Variants in ANKRD12 observed in about 807,000 individuals in gnomAD.
ANKRD12 encodes the protein ankyrin repeat domain 12, also known as ankyrin repeat domain-containing protein 12.
Under a neutral mutation model 183.4 loss-of-function variants are expected in ANKRD12, and 85 were observed. The ratio of observed to expected loss-of-function variants is 0.46; its 90% CI spans 0.39 to 0.56. ANKRD12 has a LOEUF of 0.56. Among genes scored for constraint, ANKRD12 ranks in the 20% least tolerant of loss-of-function variants. The pLI is 0.00. For missense variants in ANKRD12, 2,405 were observed against 2,357.1 expected, an observed-to-expected ratio of 1.02 and a Z score of -0.42; for synonymous variants, 914 against 800.2, an observed-to-expected ratio of 1.14 and a Z score of -2.40.
At chr18:9,211,503 G>A (rs950509684) in intron 5 of ANKRD12, 81 bp from the exon 6 acceptor site, 2 of 1,270,884 alleles carry the variant, frequency 1.6e-6, no homozygotes, top group African/African-American at 3.0e-5. Flanking sequence ...CAGGAGATTA[G>A]CATATTACCA....
Position 9,257,048 on chromosome 18 carries a change from A to G in ANKRD12, c.3781A>G (p.Arg1261Gly). 2.5e-6 allele frequency: 4 copies of G among 1,614,142 alleles called. No individual in the cohort carries two copies. The highest frequency in any genetic ancestry group is 3.4e-6 in the Non-Finnish European group (4 of 1,179,994). Residue 1261 changes from arginine to glycine, a missense_variant, in exon 9 of 13, where the codon AGG (arginine) becomes GGG (glycine). Arg to Gly is a moderately radical substitution (Grantham distance 125). This residue lies in a region of ANKRD12 where 1,983 missense variants were observed against 1,725.9 expected (regional missense o/e 1.15). Coordinates refer to ENST00000262126, the MANE Select transcript of ANKRD12 (RefSeq NM_015208.5). ...SIAKSPALHE[R>G]ELDSLADLPE... ...TGCCAAATCTCCTGCTCTTCATGAAAGGGAATTGGACAGCCTGGCTGACTT... is the reference window on the plus strand; with the variant it reads ...TGCCAAATCTCCTGCTCTTCATGAAGGGGAATTGGACAGCCTGGCTGACTT...
intron 8 of ANKRD12, among the ~76,000 whole-genome samples, chr18:9,235,137 T>A (rs1030677668): frequency 6.6e-6 from 1 of 152,212 alleles, no homozygotes; most frequent in Admixed American, 6.5e-5. Flanking sequence ...TCTTGTTTAA[T>A]TCTTTATGAT....
intron 8 of ANKRD12, among the ~76,000 whole-genome samples, chr18:9,230,655 C>CT (rs113527070): frequency 2.9e-4 from 42 of 145,758 alleles, no homozygotes; most frequent in African/African-American, 5.6e-4. Flanking sequence ...CTACTTTCTT[C>CT]TTTTTTTTTT....
At chr18:9,239,437 A>G in intron 8 of ANKRD12, 1 of 968,132 alleles carries the variant, frequency 1.0e-6, no homozygotes, top group Non-Finnish European at 1.4e-6. Context: ...ACTGATCTTG[A>G]TTGTTTCATG....
chr18:9,256,031 C>G lies in ANKRD12; in HGVS notation c.2764C>G (p.Leu922Val), dbSNP rs749333227. 3 of 1,558,814 alleles carry G rather than the reference C, an allele frequency of 1.9e-6. No individual in the cohort carries two copies. Among genetic ancestry groups the G allele is most frequent in the Non-Finnish European group, 2.6e-6 (3 of 1,159,676 alleles). The change falls in exon 9 of 13, where the codon CTA becomes GTA. Residue 922 changes from leucine to valine, a missense_variant. Around this residue, in one of 7 missense-constraint regions of ANKRD12, gnomAD observed 1,983 missense variants for 1,725.9 expected, o/e 1.15. Coordinates refer to ENST00000262126, the MANE Select transcript of ANKRD12 (RefSeq NM_015208.5). ...DKEKPEKERH[L>V]AESKEKHLME... ...AGAAAAGCCTGAAAAAGAGAGGCATCTAGCAGAAAGCAAAGAAAAGCACTT... is the reference window on the plus strand; with the variant it reads ...AGAAAAGCCTGAAAAAGAGAGGCATGTAGCAGAAAGCAAAGAAAAGCACTT...
At chr18:9,265,775 G>A (rs1005464782) in intron 10 of ANKRD12, among the ~76,000 whole-genome samples, 18 of 152,172 alleles carry the variant, frequency 1.2e-4, no homozygotes, top group African/African-American at 4.3e-4. Flanking sequence ...GACGGATAAT[G>A]ACTTTTACGA....
At chr18:9,158,546 A>G (rs563169797) in intron 1 of ANKRD12, among the ~76,000 whole-genome samples, 1 of 152,314 alleles carries the variant, frequency 6.6e-6, no homozygotes, top group East Asian at 1.9e-4. Context: ...GCTTTGAGGA[A>G]GAGGATCACA....
intron 8 of ANKRD12, among the ~76,000 whole-genome samples, chr18:9,226,755 TA>T (rs1267706969): frequency 6.6e-6 from 1 of 152,130 alleles, no homozygotes; most frequent in East Asian, 1.9e-4. Flanking sequence ...ATGTGATACC[TA>T]AAAGGGATAT....
At position 9,256,400 on chromosome 18, in the gene ANKRD12, C is replaced by T; in HGVS notation, c.3133C>T (p.Leu1045=). The T allele has an allele frequency of 6.2e-7, 1 of 1,609,908 alleles. No individual in the cohort carries two copies. The highest frequency in any genetic ancestry group is 8.5e-7 in the Non-Finnish European group (1 of 1,178,848). Residue 1045 remains leucine, a synonymous_variant, in exon 9 of 13, where the codon CTA becomes TTA. Transcript: ENST00000262126. The part of the protein sequence containing the change: ...DKIQINSLLK[L]KSEADKPKPK... ...AATTCAAATAAATAGCTTACTCAAACTAAAATCTGAAGCAGATAAGCCTAA... is the reference window on the plus strand; with the variant it reads ...AATTCAAATAAATAGCTTACTCAAATTAAAATCTGAAGCAGATAAGCCTAA...
chr18:9,173,627 T>G (rs927241960), intron 1 of ANKRD12, among the ~76,000 whole-genome samples: 1,064 of 39,478 alleles, frequency 0.027, no homozygotes, highest in African/African-American at 0.053. Context: ...GGGGGGGGGG[T>G]AGGGGGGGCA....
Position 9,256,855 on chromosome 18 carries a change from G to A in ANKRD12, c.3588G>A (p.Lys1196=). 6.2e-7 allele frequency: 1 copy of A among 1,613,976 alleles called. No homozygotes were observed. Among genetic ancestry groups the A allele is most frequent in the Non-Finnish European group, 8.5e-7 (1 of 1,179,950 alleles). The change falls in exon 9 of 13, where the codon AAG becomes AAA. Residue 1196 remains lysine (K), a synonymous_variant. Coordinates refer to ENST00000262126, the MANE Select transcript of ANKRD12 (RefSeq NM_015208.5). ...GGTCTCCTAGATCAGAAAATGAAAA[G>A]CCGGGTCTCAGCTCCAGATCTGTAT... ...LNRSPRSENE[K]PGLSSRSVSM...
Position 9,224,100 on chromosome 18 carries a change from T to C in ANKRD12, c.943+2101T>C, listed in dbSNP as rs373488687. Among the ~76,000 whole-genome samples the C allele has an allele frequency of 4.2e-4, 64 of 152,312 alleles. No individual in the cohort carries two copies. In the South Asian group the frequency reaches 0.013, roughly 30 times the overall value. ...CCAGGAGTTGCTTTTCTGACAAGAT[T>C]AACTAGAACATCTAGCAAATCTAAT... On this transcript the variant is annotated intron_variant, in intron 8 of 12. Coordinates refer to ENST00000262126, the MANE Select transcript of ANKRD12 (RefSeq NM_015208.5).
At position 9,284,815 on chromosome 18, in the gene ANKRD12, G is replaced by C. The variant is rs1239889636; in HGVS notation, c.*3689G>C. 1.3e-5 allele frequency: 2 copies of C among 152,088 alleles called. No individual in the cohort carries two copies. The highest frequency in any genetic ancestry group is 4.8e-5 in the African/African-American group (2 of 41,414). The allele number at this position is 152,088 out of a possible 1,614,324, so 9.4% of individuals were successfully genotyped here. A position where few individuals can be genotyped will look rare whatever the true frequency, so the allele number is the denominator to read the frequency against. On this transcript the variant is annotated 3_prime_UTR_variant, in exon 13 of 13. Transcript: ENST00000262126. ...AGTATTAGCATAAAAATAGCAAAAA[G>C]TACAACTAAAAAAATGGTTGGGTTT...
Position 9,255,958 on chromosome 18 carries a change from T to C in ANKRD12, c.2691T>C (p.Thr897=), listed in dbSNP as rs1302341101. 1.3e-6 allele frequency: 2 copies of C among 1,568,576 alleles called. No homozygotes were observed. Among genetic ancestry groups the C allele is most frequent in the East Asian group, 2.3e-5 (1 of 43,582 alleles). The change falls in exon 9 of 13, where the codon ACT becomes ACC. Residue 897 remains threonine (T), a synonymous_variant. Coordinates refer to ENST00000262126, the MANE Select transcript of ANKRD12 (RefSeq NM_015208.5). ...KSKNTAAIKK[T]DDREKSREKM... ...AAAATACTGCTGCTATTAAAAAAACTGACGACAGAGAGAAAAGTAGAGAAA... is the reference window on the plus strand; with the variant it reads ...AAAATACTGCTGCTATTAAAAAAACCGACGACAGAGAGAAAAGTAGAGAAA...
At chr18:9,196,854 C>T (rs1036196251) in intron 3 of ANKRD12, among the ~76,000 whole-genome samples, 23 of 149,662 alleles carry the variant, frequency 1.5e-4, no homozygotes, top group Admixed American at 8.6e-4. Flanking sequence ...TTTTTTTTTT[C>T]CCCCCGAAGC....
chr18:9,256,473 G>A lies in ANKRD12; in HGVS notation c.3206G>A (p.Arg1069Lys). Reference sequence around the variant, plus strand: ...AAAGATACCCGACCTAAAGAAAAGAGGTTAGTGAATGATGATTTAATGCAG... The same window carrying A: ...AAAGATACCCGACCTAAAGAAAAGAAGTTAGTGAATGATGATTTAATGCAG... ...ASKDTRPKEKRLVNDDLMQTS... is the reference protein window; with the variant it reads ...ASKDTRPKEKKLVNDDLMQTS... The change falls in exon 9 of 13, where the codon AGG becomes AAG. Residue 1069 changes from arginine to lysine, a missense_variant. Arg to Lys is a conservative substitution (Grantham distance 26). Coordinates refer to ENST00000262126, the MANE Select transcript of ANKRD12 (RefSeq NM_015208.5). The A allele has an allele frequency of 6.2e-7, 1 of 1,613,468 alleles. No individual in the cohort carries two copies. The highest frequency in any genetic ancestry group is 8.5e-7 in the Non-Finnish European group (1 of 1,179,840).
At chr18:9,243,343 C>G (rs532655637) in intron 8 of ANKRD12, among the ~76,000 whole-genome samples, 8 of 152,290 alleles carry the variant, frequency 5.3e-5, no homozygotes, top group African/African-American at 1.9e-4. Context: ...GAGATCACTA[C>G]TAACAAGCCT....
chr18:9,148,408 T>G (rs2078566055), intron 1 of ANKRD12, among the ~76,000 whole-genome samples: 1 of 152,196 alleles, frequency 6.6e-6, no homozygotes, highest in African/African-American at 2.4e-5. Context: ...ATTTACAAAC[T>G]CTAAATGTAT....
At chr18:9,252,983 T>A (rs1270603293) in intron 8 of ANKRD12, among the ~76,000 whole-genome samples, 1 of 152,152 alleles carries the variant, frequency 6.6e-6, no homozygotes, top group Non-Finnish European at 1.5e-5. Context: ...ATGTTTCCCC[T>A]TAATCGAGAC....
Sources: gnomAD v4.1 joint callset for allele counts (sites outside exome capture counted in the v4.1 genomes callset) on GRCh38, gnomAD v4.1.1 for gene constraint, gnomAD v4.1.1 regional missense constraint, MANE v1.5 for transcripts, NCBI Gene and HGNC (gene_info 2026-07-23, HGNC 2026-07-21) for gene names.